The following CNTNAP2 variants were observed in gnomAD, a reference collection of about 807,000 sequenced individuals.
The protein encoded by CNTNAP2 is contactin-associated protein-like 2.
A neutral mutation model predicts 155.2 loss-of-function variants in CNTNAP2; 98 were observed. The ratio of observed to expected loss-of-function variants is 0.63; its 90% CI spans 0.54 to 0.75. The LOEUF (loss-of-function observed/expected upper bound fraction) is 0.75. CNTNAP2 is among the 30% of genes least tolerant of loss of function. The probability of loss-of-function intolerance (pLI) is 0.00; values close to 1 mark genes in which losing one functional copy is unlikely to be tolerated. For synonymous variants in CNTNAP2, 651 were observed against 631.2 expected, an observed-to-expected ratio of 1.03 and a Z score of -0.47; for missense variants, 1,727 against 1,688.1, an observed-to-expected ratio of 1.02 and a Z score of -0.40.
Position 146,720,961 on chromosome 7 carries a change from T to TACTTTCTCTATATATTCTATATATAC in CNTNAP2, c.98-53308_98-53307insTTTCTCTATATATTCTATATATACAC, listed in dbSNP as rs1563202771. On this transcript the variant is annotated intron_variant, in intron 1 of 23. Transcript: ENST00000361727. Reference sequence around the variant, plus strand: ...ACTTTCTCTATATATTCTATATATATACAGTATATATATAGACTATATATA... The same window carrying TACTTTCTCTATATATTCTATATATAC: ...ACTTTCTCTATATATTCTATATATATACTTTCTCTATATATTCTATATATACACAGTATATATATAGACTATATATA... Among the ~76,000 whole-genome samples, 557 of 124,294 alleles carry TACTTTCTCTATATATTCTATATATAC rather than the reference T, an allele frequency of 4.5e-3. 8 individuals are homozygous for TACTTTCTCTATATATTCTATATATAC. The highest frequency in any genetic ancestry group is 0.022 in the African/African-American group (537 of 24,718). The allele number at this position is 124,294 out of a possible 152,430, so 81.5% of individuals were successfully genotyped here.
At chr7:147,350,418 CT>C (rs1389238529) in intron 9 of CNTNAP2, among the ~76,000 whole-genome samples, 3 of 151,808 alleles carry the variant, frequency 2.0e-5, no homozygotes, top group African/African-American at 7.2e-5. Flanking sequence ...GACAAGTTTA[CT>C]TTTATACACT....
chr7:146,311,558 G>A (rs1326547964), intron 1 of CNTNAP2, among the ~76,000 whole-genome samples: 2 of 137,672 alleles, frequency 1.5e-5, no homozygotes, highest in African/African-American at 5.7e-5. Context: ...ATCCCTCGAA[G>A]CCTGGAGTTT....
intron 8 of CNTNAP2, among the ~76,000 whole-genome samples, chr7:147,235,199 T>C (rs1803770946): frequency 1.3e-5 from 2 of 152,112 alleles, no homozygotes; most frequent in Non-Finnish European, 2.9e-5. Context: ...TTTTTTCCTG[T>C]CTTTGGACTC....
chr7:148,059,576 G>A (rs190151604), intron 15 of CNTNAP2, among the ~76,000 whole-genome samples: 11 of 133,840 alleles, frequency 8.2e-5, no homozygotes, highest in African/African-American at 3.1e-4. Flanking sequence ...GGCAGCAAGA[G>A]CAAAACTCTG....
chr7:146,626,035 C>T lies in CNTNAP2; in HGVS notation c.98-148236C>T, dbSNP rs116572552. On this transcript the variant is annotated intron_variant, in intron 1 of 23. Transcript: ENST00000361727. ...TTTCTCATTTCTTCTGAAAGACATACATTGTGCTTTTGCTCAAATTTCAAT... is the reference window on the plus strand; with the variant it reads ...TTTCTCATTTCTTCTGAAAGACATATATTGTGCTTTTGCTCAAATTTCAAT... 9.9e-3 allele frequency among the ~76,000 whole-genome samples: 1,508 copies of T among 152,172 alleles called. 17 individuals carry two copies. Among genetic ancestry groups the T allele is most frequent in the African/African-American group, 0.035 (1,443 of 41,538 alleles).
At chr7:147,676,469 C>A (rs1209928289) in intron 13 of CNTNAP2, among the ~76,000 whole-genome samples, 1 of 151,930 alleles carries the variant, frequency 6.6e-6, no homozygotes, top group African/African-American at 2.4e-5. Flanking sequence ...ATGACTAGGT[C>A]TAGGTAACTA....
intron 1 of CNTNAP2, among the ~76,000 whole-genome samples, chr7:146,544,582 G>A (rs948182491): frequency 6.6e-6 from 1 of 151,832 alleles, no homozygotes; most frequent in African/African-American, 2.4e-5. Flanking sequence ...TTCTTGGGAT[G>A]GCATCCTCAC....
chr7:146,328,336 G>C lies in CNTNAP2; in HGVS notation c.97+211363G>C, dbSNP rs567275461. Among the ~76,000 whole-genome samples the C allele has an allele frequency of 2.0e-5, 3 of 152,250 alleles. No homozygotes were observed. In the East Asian group the frequency reaches 5.8e-4, roughly 29 times the overall value. ...TGAAACTGGTCCCCGGTGCCAAAAA[G>C]TTTGGGGACCACTGTTCTATCAAAA... On this transcript the variant is annotated intron_variant, in intron 1 of 23. Coordinates refer to ENST00000361727, the MANE Select transcript of CNTNAP2 (RefSeq NM_014141.6).
At chr7:147,542,327 A>AT (rs1253959040) in intron 11 of CNTNAP2, among the ~76,000 whole-genome samples, 3 of 152,004 alleles carry the variant, frequency 2.0e-5, no homozygotes, top group African/African-American at 7.2e-5. Flanking sequence ...CCAAAAAAAA[A>AT]GCAAATAAGA....
intron 13 of CNTNAP2, among the ~76,000 whole-genome samples, chr7:147,763,272 G>GAA (rs58090112): frequency 7.1e-6 from 1 of 141,752 alleles, no homozygotes; most frequent in Non-Finnish European, 1.6e-5. Flanking sequence ...AAAAAAAAAA[G>GAA]AAAAAAAAAA....
chr7:147,519,090 ATGT>A (rs1799184537), intron 11 of CNTNAP2, among the ~76,000 whole-genome samples: 1 of 151,916 alleles, frequency 6.6e-6, no homozygotes, highest in Admixed American at 6.6e-5. Flanking sequence ...ATTATCACAA[ATGT>A]TGTAGCTGAA....
At chr7:146,264,456 T>TA (rs912567038) in intron 1 of CNTNAP2, among the ~76,000 whole-genome samples, 55 of 136,352 alleles carry the variant, frequency 4.0e-4, no homozygotes, top group Middle Eastern at 3.7e-3. Flanking sequence ...ATCTGAAAAA[T>TA]AAAAAAAAAA....
intron 10 of CNTNAP2, among the ~76,000 whole-genome samples, chr7:147,444,205 A>T (rs1797690692): frequency 6.6e-6 from 1 of 152,224 alleles, no homozygotes; most frequent in South Asian, 2.1e-4. Context: ...TTAGGAAAAC[A>T]TAGCAGTCAT....
intron 10 of CNTNAP2, among the ~76,000 whole-genome samples, chr7:147,432,875 C>T (rs547316290): frequency 6.6e-6 from 1 of 152,312 alleles, no homozygotes; most frequent in East Asian, 1.9e-4. Flanking sequence ...GTGCTGCTTT[C>T]CTTCACTGGC....
intron 13 of CNTNAP2, among the ~76,000 whole-genome samples, chr7:147,736,212 G>T (rs1315706545): frequency 5.3e-5 from 8 of 151,810 alleles, no homozygotes; most frequent in African/African-American, 1.9e-4. Flanking sequence ...TTTAGGGCAG[G>T]CCTGGTGGTG....
intron 10 of CNTNAP2, among the ~76,000 whole-genome samples, chr7:147,431,780 T>C (rs982515928): frequency 2.0e-5 from 3 of 152,238 alleles, no homozygotes; most frequent in Admixed American, 2.0e-4. Flanking sequence ...TTTTTCTCTA[T>C]CTTTTTGAGT....
At chr7:147,495,317 T>G (rs1028763649) in intron 11 of CNTNAP2, among the ~76,000 whole-genome samples, 1 of 152,208 alleles carries the variant, frequency 6.6e-6, no homozygotes, top group South Asian at 2.1e-4. Context: ...TGTTTAACCT[T>G]GGTAAACCTT....
chr7:147,716,725 G>T (rs1399018002), intron 13 of CNTNAP2, among the ~76,000 whole-genome samples: 1 of 152,092 alleles, frequency 6.6e-6, no homozygotes, highest in Non-Finnish European at 1.5e-5. Context: ...GTCAGGAAAA[G>T]AATAATTTCT....
intron 9 of CNTNAP2, among the ~76,000 whole-genome samples, chr7:147,317,109 C>T (rs542251018): frequency 6.6e-6 from 1 of 152,292 alleles, no homozygotes; most frequent in Non-Finnish European, 1.5e-5. Context: ...CTATTCATCT[C>T]ATAAATGATT....
Sources: allele counts gnomAD v4.1 joint callset (sites outside exome capture counted in the v4.1 genomes callset), GRCh38; gene constraint gnomAD v4.1.1; transcripts MANE v1.5; gene names NCBI Gene and HGNC (gene_info 2026-07-23, HGNC 2026-07-21).